The following ATP13A3 variants were observed in gnomAD, a reference collection of about 807,000 sequenced individuals.
ATP13A3 encodes polyamine-transporting ATPase 13A3.
ATP13A3 carries 59 observed loss-of-function variants against 158.1 expected under a neutral mutation model. The ratio of observed to expected loss-of-function variants is 0.37; its 90% confidence interval spans 0.30 to 0.46. The LOEUF (loss-of-function observed/expected upper bound fraction) is 0.46. Among genes scored for constraint, ATP13A3 ranks in the 20% least tolerant of loss-of-function variants. The pLI is 1.00. For missense variants in ATP13A3, 1,166 were observed against 1,525.2 expected, an observed-to-expected ratio of 0.76 and a Z score of 3.92; for synonymous variants, 491 against 504.3, an observed-to-expected ratio of 0.97 and a Z score of 0.35.
intron 2 of ATP13A3, 67 bp from the exon 3 acceptor site, chr3:194,462,303 T>C: frequency 9.3e-7 from 1 of 1,072,748 alleles, no homozygotes; most frequent in East Asian, 2.5e-5. Flanking sequence ...ACAACTGCAT[T>C]CTATCAACTG....
At chr3:194,435,998 T>C (rs1717609753) in intron 20 of ATP13A3, among the ~76,000 whole-genome samples, 1 of 152,228 alleles carries the variant, frequency 6.6e-6, no homozygotes, top group South Asian at 2.1e-4. Flanking sequence ...CCTAGCACCC[T>C]TGCTAGTGTG....
At position 194,467,181 on chromosome 3, in the gene ATP13A3, C is replaced by T. The variant is rs528918901; in HGVS notation, c.-46-4945G>A. 9.2e-5 allele frequency among the ~76,000 whole-genome samples: 14 copies of T among 152,266 alleles called. No individual in the cohort carries two copies. The South Asian group carries it at 2.9e-3, about 32-fold the overall frequency. ...TTTTATAACTTTAGAAAGGAACTGC[C>T]GTTAAAATCCAATGTTTTCATTAAG... is the stretch of plus-strand genomic sequence containing the variant. On this transcript the variant is annotated intron_variant, in intron 2 of 33. Coordinates refer to ENST00000645319, the MANE Select transcript of ATP13A3 (RefSeq NM_001367549.1).
chr3:194,459,043 C>T (rs191793412), intron 6 of ATP13A3: 2 of 157,778 alleles, frequency 1.3e-5, no homozygotes, highest in South Asian at 1.9e-4. Flanking sequence ...ACAGCTTGCC[C>T]CATTCTTTAT....
chr3:194,433,956 A>T (rs775353597), intron 20 of ATP13A3, 60 bp from the exon 21 acceptor site: 10 of 1,503,252 alleles, frequency 6.7e-6, no homozygotes, highest in Middle Eastern at 1.8e-4. Context: ...CAACTTATGT[A>T]CACAAACTTG....
chr3:194,487,811 GC>G (rs1331735851), upstream of ATP13A3: 1 of 152,360 alleles, frequency 6.6e-6, no homozygotes, highest in Non-Finnish European at 1.5e-5. Context: ...CGCCCTTTGT[GC>G]CCGGCCCGCT....
chr3:194,419,890 G>T lies in ATP13A3; in HGVS notation c.3391C>A (p.Gln1131Lys). ...TGCTTAAGTCTTACCTGAAGAACCT[G>T]GTCAACAGAGGCAACTGGATACAAC... Reference protein sequence around the residue: ...IMLYPVASVDQVLQIVCVPYQ... With the variant: ...IMLYPVASVDKVLQIVCVPYQ... The change falls in exon 31 of 34, where the codon CAG (glutamine) becomes AAG (lysine). Residue 1131 changes from glutamine (Q) to lysine (K), a missense_variant. By Grantham distance (53) the Gln-to-Lys change is moderately conservative (BLOSUM62 1). This residue lies in a region of ATP13A3 where 997 missense variants were observed against 1,341.2 expected (regional missense o/e 0.74). Transcript: ENST00000645319. 6.4e-7 allele frequency: 1 copy of T among 1,562,808 alleles called. No homozygotes were observed. Among genetic ancestry groups the T allele is most frequent in the Admixed American group, 2.3e-5 (1 of 44,144 alleles).
At chr3:194,441,522 C>T (rs1015441430) in intron 15 of ATP13A3, 61 bp from the exon 16 acceptor site, 4 of 1,435,474 alleles carry the variant, frequency 2.8e-6, no homozygotes, top group Non-Finnish European at 3.8e-6. Flanking sequence ...AATATTCTAA[C>T]AGGGCTTTTC....
intron 2 of ATP13A3, among the ~76,000 whole-genome samples, chr3:194,482,874 G>A (rs935675786): frequency 2.6e-5 from 4 of 152,126 alleles, no homozygotes; most frequent in Admixed American, 1.3e-4. Context: ...CTGGAAGGCC[G>A]AGGCAGGCGG....
chr3:194,409,693 AT>A lies in ATP13A3; in HGVS notation c.3573+2505del, dbSNP rs71179358. 1.8e-3 allele frequency among the ~76,000 whole-genome samples: 172 copies of A among 93,976 alleles called. 1 individual carries two copies. Among genetic ancestry groups the A allele is most frequent in the Non-Finnish European group, 2.0e-3 (102 of 50,314 alleles). 61.7% of individuals were successfully genotyped at this position (93,976 alleles called of 152,430 possible). ...TGCTTGATAATCACTGACGTAAAGAATTTTTTTTTTTTTTTTTTTTTTTTTT... is the reference window on the plus strand; with the variant it reads ...TGCTTGATAATCACTGACGTAAAGAATTTTTTTTTTTTTTTTTTTTTTTTT... On this transcript the variant is annotated intron_variant, in intron 33 of 33. Transcript: ENST00000645319.
rs769279327 is a variant in ATP13A3, at chr3:194,419,976, G to T, written c.3314-9C>A. On this transcript the variant is annotated splice_polypyrimidine_tract_variant and intron_variant, in intron 30 of 33. Transcript: ENST00000645319. ...AGAAAAAACAAAAAAATCTGGAAAA[G>T]ACAGCAAAAGTAAAACAAGTAAATT... 6.6e-7 allele frequency: 1 copy of T among 1,515,752 alleles called. No individual in the cohort carries two copies. The highest frequency in any genetic ancestry group is 2.5e-5 in the East Asian group (1 of 39,612). The allele number at this position is 1,515,752 out of a possible 1,614,324, so 93.9% of individuals were successfully genotyped here.
At chr3:194,407,580 C>T (rs1048201958) in intron 33 of ATP13A3, among the ~76,000 whole-genome samples, 2 of 152,194 alleles carry the variant, frequency 1.3e-5, no homozygotes, top group Non-Finnish European at 2.9e-5. Context: ...TGACTCACCG[C>T]TCTCAATGTT....
intron 31 of ATP13A3, among the ~76,000 whole-genome samples, chr3:194,419,303 G>A (rs1192686578): frequency 6.6e-6 from 1 of 152,038 alleles, no homozygotes; most frequent in Non-Finnish European, 1.5e-5. Flanking sequence ...CATCAAAACA[G>A]GTACATGAGA....
At chr3:194,410,165 A>C (rs1027920943) in intron 33 of ATP13A3, among the ~76,000 whole-genome samples, 1 of 151,468 alleles carries the variant, frequency 6.6e-6, no homozygotes, top group African/African-American at 2.4e-5. Context: ...AACTTCTAAA[A>C]ATTAGAAGGG....
chr3:194,459,588 G>C (rs1450170796), intron 5 of ATP13A3, 47 bp from the exon 6 acceptor site: 1 of 1,457,508 alleles, frequency 6.9e-7, no homozygotes, highest in South Asian at 1.1e-5. Flanking sequence ...ATAATCACTT[G>C]TGATATGTAA....
At position 194,448,330 on chromosome 3, in the gene ATP13A3, G is replaced by A. The variant is rs112947026; in HGVS notation, c.1150+127C>T. On this transcript the variant is annotated intron_variant, in intron 12 of 33. Transcript: ENST00000645319. This position sits in a 1 kb window ranked among gnomAD's most constrained non-coding sequence, Gnocchi z 4.0. ...CCTGACCTCATGATCCGCCCACCTC[G>A]GCTTCCCAAAGTGCTGGGATTACAG... 3.3e-4 allele frequency: 363 copies of A among 1,108,830 alleles called. 1 individual carries two copies. In the African/African-American group the frequency reaches 5.2e-3, roughly 16 times the overall value. The allele number at this position is 1,108,830 out of a possible 1,614,324, so 68.7% of individuals were successfully genotyped here.
At chr3:194,415,661 C>CTTTTTTTTTTTTTTTTTTTTTT (rs751005733) in intron 31 of ATP13A3, among the ~76,000 whole-genome samples, 1 of 90,928 alleles carries the variant, frequency 1.1e-5, no homozygotes, top group African/African-American at 4.7e-5. Flanking sequence ...ATACCACATT[C>CTTTTTTTTTTTTTTTTTTTTTT]TTTTTTTTTT....
chr3:194,410,609 G>A (rs911757186), intron 33 of ATP13A3, among the ~76,000 whole-genome samples: 4 of 152,008 alleles, frequency 2.6e-5, no homozygotes, highest in African/African-American at 4.8e-5. Flanking sequence ...TAATTTTTTA[G>A]AAAACAGAGA....
rs760021524 is a variant in ATP13A3, at chr3:194,430,270, T to TA, written c.2667+2dup. ...AAAACTAAATCACAAAAACTATACT[T>TA]ACACCACAATCATTTGCGCCATCAC... On this transcript the variant is annotated splice_region_variant and intron_variant, in intron 25 of 33. Transcript: ENST00000645319. 6.2e-7 allele frequency: 1 copy of TA among 1,613,740 alleles called. No individual in the cohort carries two copies. Among genetic ancestry groups the TA allele is most frequent in the Non-Finnish European group, 8.5e-7 (1 of 1,179,750 alleles).
chr3:194,426,850 C>T (rs968115746), intron 29 of ATP13A3, among the ~76,000 whole-genome samples: 12 of 151,908 alleles, frequency 7.9e-5, no homozygotes, highest in Non-Finnish European at 1.3e-4. Flanking sequence ...TTAGTAGAGA[C>T]GGGGATTCAC....
Sources: gnomAD v4.1 joint callset for allele counts (sites outside exome capture counted in the v4.1 genomes callset) on GRCh38, gnomAD v4.1.1 for gene constraint, gnomAD v4.1.1 regional missense constraint, Gnocchi (gnomAD v3.1) non-coding constraint, MANE v1.5 for transcripts, NCBI Gene and HGNC (gene_info 2026-07-23, HGNC 2026-07-21) for gene names.